The following POLA1 variants were observed in gnomAD, a reference collection of about 807,000 sequenced individuals.
POLA1 encodes the protein DNA polymerase alpha catalytic subunit.
POLA1 carries 15 observed loss-of-function variants against 124.0 expected under a neutral mutation model. The ratio of observed to expected loss-of-function variants is 0.12; its 90% CI spans 0.08 to 0.19. The LOEUF is 0.19. POLA1 is among the 10% of genes least tolerant of loss of function. POLA1 has a pLI of 1.00. For missense variants in POLA1, 886 were observed against 1,103.4 expected (o/e 0.80, Z 2.79); for synonymous variants, 408 against 389.4 (o/e 1.05, Z -0.56).
chrX:24,775,455 A>G (rs1183554978), intron 26 of POLA1: 1 of 112,249 alleles, frequency 8.9e-6, no homozygotes, highest in East Asian at 2.8e-4. Flanking sequence ...GTATCATTTT[A>G]CCAGCCAGAA....
chrX:24,890,515 A>T (rs993599646), intron 35 of POLA1, among the ~76,000 whole-genome samples: 12 of 112,145 alleles, frequency 1.1e-4, no homozygotes, highest in African/African-American at 3.9e-4. Flanking sequence ...TCTTTATTTG[A>T]CATTTAGGAT....
rs927744747 is a variant in POLA1, at chrX:24,717,415, G to C, written c.832G>C (p.Ala278Pro). 8.3e-7 allele frequency: 1 copy of C among 1,209,847 alleles called. No individual in the cohort carries two copies. The highest frequency in any genetic ancestry group is 2.3e-4 in the Middle Eastern group (1 of 4,354). The change falls in exon 9 of 37, where the codon GCT becomes CCT. Residue 278 changes from alanine (A) to proline (P), a missense_variant. Coordinates refer to ENST00000379068, the MANE Select transcript of POLA1 (RefSeq NM_001330360.2). ...GGACCTGGAGCCTATGGCTGCCAAG[G>C]CTTGGGACAAAGAGAGTGAGCCAGC... The part of the protein sequence containing the change: ...EVDLEPMAAK[A>P]WDKESEPAEE...
intron 26 of POLA1, among the ~76,000 whole-genome samples, chrX:24,753,800 C>T (rs956634016): frequency 1.7e-4 from 19 of 112,418 alleles, no homozygotes; most frequent in African/African-American, 5.5e-4. Flanking sequence ...ATTTCTGTGT[C>T]CTTGAGAAAG....
intron 34 of POLA1, among the ~76,000 whole-genome samples, chrX:24,869,839 A>T (rs1333991515): frequency 9.0e-6 from 1 of 111,087 alleles, no homozygotes; most frequent in East Asian, 2.8e-4. Flanking sequence ...AGTCATGCCT[A>T]CCTTCATGCG....
rs1363440912 is a variant in POLA1 at position 24,723,936 on chromosome X, C to T, written c.1201-399C>T. Among the ~76,000 whole-genome samples, 6 of 112,647 alleles carry T rather than the reference C, an allele frequency of 5.3e-5. No homozygotes were observed. In the East Asian group the frequency reaches 1.7e-3, roughly 31 times the overall value. On this transcript the variant is annotated intron_variant, in intron 11 of 36. Coordinates refer to ENST00000379068, the MANE Select transcript of POLA1 (RefSeq NM_001330360.2). ...CCTTGTGATCTGCCCGCCTTGGCCTCCCAAAGTGCTGGGATTACAGGCATG... is the reference window on the plus strand; with the variant it reads ...CCTTGTGATCTGCCCGCCTTGGCCTTCCAAAGTGCTGGGATTACAGGCATG...
intron 26 of POLA1, among the ~76,000 whole-genome samples, chrX:24,766,807 A>G (rs1932915085): frequency 8.9e-6 from 1 of 112,008 alleles, no homozygotes; most frequent in African/African-American, 3.2e-5. Flanking sequence ...TGTGAAAATT[A>G]GAAAATTAGA....
chrX:24,907,137 G>T (rs2047380416), intron 35 of POLA1, among the ~76,000 whole-genome samples: 1 of 111,324 alleles, frequency 9.0e-6, no homozygotes, highest in Non-Finnish European at 1.9e-5. Flanking sequence ...GTTGCAGTGA[G>T]CCAAGATCAT....
chrX:24,873,861 TA>T (rs2046899452), intron 34 of POLA1, among the ~76,000 whole-genome samples: 1 of 111,958 alleles, frequency 8.9e-6, no homozygotes, highest in Non-Finnish European at 1.9e-5. Flanking sequence ...TAATGAGTGT[TA>T]AAAATACCAC....
chrX:24,909,082 G>C (rs1231334993), intron 35 of POLA1, among the ~76,000 whole-genome samples: 6 of 112,252 alleles, frequency 5.3e-5, no homozygotes, highest in Non-Finnish European at 1.1e-4. Flanking sequence ...TAATGGGGTT[G>C]TTTGCTTATT....
chrX:24,748,708 A>G (rs1320314122), intron 25 of POLA1, among the ~76,000 whole-genome samples, 162 bp from the exon 26 acceptor site: 1 of 112,344 alleles, frequency 8.9e-6, no homozygotes, highest in Non-Finnish European at 1.9e-5. Context: ...CTAGGAGGTT[A>G]GGGAATCATG....
chrX:24,757,069 A>G (rs2148417578), intron 26 of POLA1, among the ~76,000 whole-genome samples: 1 of 111,445 alleles, frequency 9.0e-6, no homozygotes, highest in African/African-American at 3.3e-5. Flanking sequence ...TTTGGCAGAC[A>G]TATTTTATGT....
At chrX:24,874,461 A>G (rs1176507264) in intron 34 of POLA1, among the ~76,000 whole-genome samples, 3 of 112,198 alleles carry the variant, frequency 2.7e-5, no homozygotes, top group Non-Finnish European at 5.6e-5. Context: ...GAAGAGCAAG[A>G]GTGAACCACC....
intron 15 of POLA1, among the ~76,000 whole-genome samples, chrX:24,728,371 A>G (rs1930673881): frequency 8.9e-6 from 1 of 111,841 alleles, no homozygotes. Context: ...TTTCTTATAT[A>G]ATACCATTAG....
Position 24,699,562 on chromosome X carries a change from T to G in POLA1, c.168+13T>G. 1 of 1,131,655 alleles carries G rather than the reference T, an allele frequency of 8.8e-7. No individual in the cohort carries two copies. The highest frequency in any genetic ancestry group is 1.2e-6 in the Non-Finnish European group (1 of 847,682). The allele number at this position is 1,131,655 out of a possible 1,213,427, so 93.3% of individuals were successfully genotyped here. A position where few individuals can be genotyped will look rare whatever the true frequency, so the allele number is the denominator to read the frequency against. ...GTATAAATATGAAGTAAGTAACCAT[T>G]TTTCTTCTTTATTCTTCCTGTGCAT... On this transcript the variant is annotated intron_variant, in intron 2 of 36. Transcript: ENST00000379068.
Position 24,841,767 on chromosome X carries a change from A to T in POLA1, c.3852A>T (p.Arg1284Ser). The change falls in exon 33 of 37, where the codon AGA (arginine) becomes AGT (serine). Residue 1284 changes from arginine (R) to serine (S), a missense_variant. Arg to Ser is a moderately radical substitution (Grantham distance 110). Transcript: ENST00000379068. ...AAGAGAAATACAGGGACTGTGAAAGATTCAAATGTCCATGCCCTACATGTG... is the reference window on the plus strand; with the variant it reads ...AAGAGAAATACAGGGACTGTGAAAGTTTCAAATGTCCATGCCCTACATGTG... ...TDEEKYRDCERFKCPCPTCGT... is the reference protein window; with the variant it reads ...TDEEKYRDCESFKCPCPTCGT... The T allele has an allele frequency of 8.4e-7, 1 of 1,197,373 alleles. No homozygotes were observed. The highest frequency in any genetic ancestry group is 1.1e-6 in the Non-Finnish European group (1 of 883,010).
At chrX:24,800,090 A>G (rs970005931) in intron 26 of POLA1, among the ~76,000 whole-genome samples, 1 of 111,780 alleles carries the variant, frequency 8.9e-6, no homozygotes, top group Non-Finnish European at 1.9e-5. Flanking sequence ...TTTCACATAT[A>G]CATGTTTCTG....
At chrX:24,889,537 T>C (rs1228731360) in intron 35 of POLA1, among the ~76,000 whole-genome samples, 2 of 112,572 alleles carry the variant, frequency 1.8e-5, no homozygotes, top group Non-Finnish European at 3.7e-5. Context: ...CCTGAAGATT[T>C]GTAAGGTTTT....
intron 31 of POLA1, among the ~76,000 whole-genome samples, chrX:24,824,767 T>G (rs1464127429): frequency 9.0e-6 from 1 of 111,285 alleles, no homozygotes; most frequent in Non-Finnish European, 1.9e-5. Flanking sequence ...AACTAGTCTT[T>G]TGTGTGAATA....
chrX:24,912,923 G>C (rs11573473), intron 35 of POLA1, among the ~76,000 whole-genome samples: 1 of 112,099 alleles, frequency 8.9e-6, no homozygotes, highest in East Asian at 2.8e-4. Context: ...AATGTAAAGT[G>C]GTATCACAAC....
Sources: allele counts gnomAD v4.1 joint callset (sites outside exome capture counted in the v4.1 genomes callset), GRCh38; gene constraint gnomAD v4.1.1; transcripts MANE v1.5; gene names NCBI Gene and HGNC (gene_info 2026-07-23, HGNC 2026-07-21).